Variants in TET1 observed in about 807,000 individuals in gnomAD.
TET1 encodes methylcytosine dioxygenase TET1.
TET1 carries 13 observed loss-of-function variants against 148.7 expected under a neutral mutation model. The observed-to-expected ratio is 0.09, with a 90% CI of 0.06 to 0.14. TET1 has a LOEUF of 0.14. TET1 is among the 10% of genes least tolerant of loss of function. TET1 has a pLI of 1.00. For synonymous variants in TET1, 907 were observed against 937.2 expected (o/e 0.97, Z 0.59); for missense variants, 2,182 against 2,553.8 (o/e 0.85, Z 3.14).
intron 2 of TET1, among the ~76,000 whole-genome samples, chr10:68,595,380 A>G (rs559710662): frequency 6.6e-6 from 1 of 152,052 alleles, no homozygotes; most frequent in Non-Finnish European, 1.5e-5. Context: ...AGCGCGGGAC[A>G]TATTGGAAGG....
Position 68,602,869 on chromosome 10 carries a change from CATA to C in TET1, c.1968+1838_1968+1840del, listed in dbSNP as rs540252851. ...ATGGTTTTCCACATTTTCTGTTAGACATAATTTTTTTTCTCATCCAAAGAAAGC... is the reference window on the plus strand; with the variant it reads ...ATGGTTTTCCACATTTTCTGTTAGACATTTTTTTTCTCATCCAAAGAAAGC... On this transcript the variant is annotated intron_variant, in intron 3 of 11. Transcript: ENST00000373644. Among the ~76,000 whole-genome samples, 287 of 152,278 alleles carry C rather than the reference CATA, an allele frequency of 1.9e-3. 1 individual carries two copies. The highest frequency in any genetic ancestry group is 6.5e-3 in the African/African-American group (272 of 41,552).
rs183966869 is a variant in TET1, at chr10:68,626,031, C to T, written c.1969-18667C>T. 1.6e-3 allele frequency among the ~76,000 whole-genome samples: 243 copies of T among 148,208 alleles called. 2 individuals carry two copies. The highest frequency in any genetic ancestry group is 5.8e-3 in the African/African-American group (234 of 40,022). On this transcript the variant is annotated intron_variant, in intron 3 of 11. Coordinates refer to ENST00000373644, the MANE Select transcript of TET1 (RefSeq NM_030625.3). ...CCCACAAGTTCCAGAGTGAGGTGAA[C>T]CGAGATGGTGCCACTGCACTCCAGC... is the stretch of plus-strand genomic sequence containing the variant.
chr10:68,663,458 A>T (rs1281384541), intron 6 of TET1, among the ~76,000 whole-genome samples: 1 of 152,194 alleles, frequency 6.6e-6, no homozygotes, highest in Non-Finnish European at 1.5e-5. Flanking sequence ...TCCTCAGTAT[A>T]TAAGGATCCA....
At chr10:68,620,227 G>T (rs1564972131) in intron 3 of TET1, among the ~76,000 whole-genome samples, 1 of 152,112 alleles carries the variant, frequency 6.6e-6, no homozygotes, top group Non-Finnish European at 1.5e-5. Context: ...GTGGCTTTTA[G>T]TACATTCACC....
chr10:68,642,389 G>T (rs182110329), intron 3 of TET1, among the ~76,000 whole-genome samples: 1 of 151,940 alleles, frequency 6.6e-6, no homozygotes, highest in Middle Eastern at 3.2e-3. Flanking sequence ...AGCCGTTATC[G>T]TGCCACTGCA....
At chr10:68,690,583 C>CA (rs1206124775) in intron 11 of TET1, among the ~76,000 whole-genome samples, 11 of 150,650 alleles carry the variant, frequency 7.3e-5, no homozygotes, top group East Asian at 1.9e-4. Flanking sequence ...ACTCCGTCTC[C>CA]AAAAAAAACA....
At chr10:68,683,014 CTA>C (rs1297528638) in intron 10 of TET1, 41 bp downstream of exon 10, 4 of 1,606,236 alleles carry the variant, frequency 2.5e-6, no homozygotes, top group Non-Finnish European at 3.4e-6. Context: ...AGCTCCATCA[CTA>C]TATGCTTAGG....
chr10:68,576,055 A>G (rs1258415864), intron 2 of TET1, among the ~76,000 whole-genome samples: 1 of 150,636 alleles, frequency 6.6e-6, no homozygotes, highest in Admixed American at 6.6e-5. Context: ...AAATAAATGA[A>G]TAAATAAAAG....
chr10:68,638,148 G>A (rs1181291378), intron 3 of TET1, among the ~76,000 whole-genome samples: 1 of 152,148 alleles, frequency 6.6e-6, no homozygotes, highest in African/African-American at 2.4e-5. Flanking sequence ...ATGGTGGTTG[G>A]TTGCAGAACA....
At chr10:68,623,813 C>G (rs1429811579) in intron 3 of TET1, among the ~76,000 whole-genome samples, 9 of 152,216 alleles carry the variant, frequency 5.9e-5, no homozygotes, top group Admixed American at 3.3e-4. Context: ...GCCTAAGTAG[C>G]TCAAAGCGAC....
chr10:68,663,257 G>T (rs531039683), intron 6 of TET1, among the ~76,000 whole-genome samples: 1 of 152,280 alleles, frequency 6.6e-6, no homozygotes, highest in East Asian at 1.9e-4. Flanking sequence ...GACATTTAGG[G>T]TTGGCTTTCT....
At chr10:68,657,980 A>T (rs1398411257) in intron 6 of TET1, among the ~76,000 whole-genome samples, 1 of 152,176 alleles carries the variant, frequency 6.6e-6, no homozygotes. Flanking sequence ...TGAAGGTCAA[A>T]AATTTTGAAC....
chr10:68,626,362 T>C (rs1281978533), intron 3 of TET1, among the ~76,000 whole-genome samples: 1 of 151,790 alleles, frequency 6.6e-6, no homozygotes. Flanking sequence ...ATTTATTTGC[T>C]TGCTTGTTTG....
intron 3 of TET1, among the ~76,000 whole-genome samples, chr10:68,601,731 G>C (rs930421368): frequency 6.6e-6 from 1 of 152,158 alleles, no homozygotes; most frequent in South Asian, 2.1e-4. Context: ...TTCAAGGCTA[G>C]CTTTAGTCTA....
intron 2 of TET1, among the ~76,000 whole-genome samples, chr10:68,579,602 A>G (rs2053769238): frequency 6.6e-6 from 1 of 152,266 alleles, no homozygotes; most frequent in Admixed American, 6.5e-5. Context: ...TCTGAAAAAC[A>G]TGATTCTCCT....
At chr10:68,617,680 G>T (rs2054313344) in intron 3 of TET1, among the ~76,000 whole-genome samples, 1 of 151,918 alleles carries the variant, frequency 6.6e-6, no homozygotes, top group Admixed American at 6.6e-5. Flanking sequence ...TGAGTAGCTG[G>T]GACTTATAGG....
rs1213325678 is a variant in TET1, at chr10:68,627,797, G to A, written c.1969-16901G>A. On this transcript the variant is annotated intron_variant, in intron 3 of 11. Transcript: ENST00000373644. ...AAAAAAATACAAAAATTAGCCAGGCGTGATGGCAGGTGCCTGTAATCCCAG... is the reference window on the plus strand; with the variant it reads ...AAAAAAATACAAAAATTAGCCAGGCATGATGGCAGGTGCCTGTAATCCCAG... Among the ~76,000 whole-genome samples the A allele has an allele frequency of 3.3e-5, 5 of 151,672 alleles. No homozygotes were observed. In the East Asian group the frequency reaches 5.8e-4, roughly 18 times the overall value.
chr10:68,644,624 A>G lies in TET1; in HGVS notation c.1969-74A>G, dbSNP rs965632586. 8 of 1,409,686 alleles carry G rather than the reference A, an allele frequency of 5.7e-6. No homozygotes were observed. In the South Asian group the frequency reaches 8.0e-5, roughly 14 times the overall value. The allele number at this position is 1,409,686 out of a possible 1,614,324, so 87.3% of individuals were successfully genotyped here. On this transcript the variant is annotated intron_variant, in intron 3 of 11. Transcript: ENST00000373644. ...CACAGGGGCTTTACATTTAGTTGTT[A>G]TTAAATTTTAATCTTCTATGGCTGT...
At chr10:68,584,787 C>G (rs1021451327) in intron 2 of TET1, among the ~76,000 whole-genome samples, 4 of 151,896 alleles carry the variant, frequency 2.6e-5, no homozygotes, top group Non-Finnish European at 2.9e-5. Flanking sequence ...GCAGCTAGTA[C>G]CCCAAAACAA....
Sources: allele counts gnomAD v4.1 joint callset (sites outside exome capture counted in the v4.1 genomes callset), GRCh38; gene constraint gnomAD v4.1.1; transcripts MANE v1.5; gene names NCBI Gene and HGNC (gene_info 2026-07-23, HGNC 2026-07-21).